CD226: variants seen among roughly 807,000 people sequenced by gnomAD.
CD226 encodes the protein CD226 molecule.
Under a neutral mutation model 34.9 loss-of-function variants are expected in CD226, and 24 were observed. The ratio of observed to expected loss-of-function variants is 0.69; its 90% confidence interval spans 0.50 to 0.97. The LOEUF (loss-of-function observed/expected upper bound fraction) is 0.97. CD226 is among the 50% of genes least tolerant of loss of function. CD226 has a pLI of 0.00. For synonymous variants in CD226, 148 were observed against 147.4 expected (o/e 1.00, Z -0.03); for missense variants, 397 against 412.7 (o/e 0.96, Z 0.33).
intron 3 of CD226, among the ~76,000 whole-genome samples, chr18:69,876,701 C>T (rs941824034): frequency 6.6e-6 from 1 of 152,092 alleles, no homozygotes; most frequent in Non-Finnish European, 1.5e-5. Context: ...TAACAGGCAC[C>T]AGCTGAGTGT....
At chr18:69,934,281 C>CAT (rs56409030) in intron 2 of CD226, among the ~76,000 whole-genome samples, 96,544 of 148,548 alleles carry the variant, frequency 0.65, 36,339 homozygotes, top group Non-Finnish European at 0.82. Context: ...ACAGAGGATA[C>CAT]ACACACACAC....
intron 2 of CD226, among the ~76,000 whole-genome samples, chr18:69,932,268 C>T (rs902609111): frequency 6.6e-6 from 1 of 152,122 alleles, no homozygotes; most frequent in Non-Finnish European, 1.5e-5. Flanking sequence ...AATCGAAATC[C>T]CTTGCCTAAA....
At chr18:69,899,362 T>G (rs1218195877) in intron 2 of CD226, among the ~76,000 whole-genome samples, 1 of 152,242 alleles carries the variant, frequency 6.6e-6, no homozygotes, top group African/African-American at 2.4e-5. Flanking sequence ...CTGAGTCATT[T>G]TACTGTCAGC....
At chr18:69,928,279 C>T (rs910948483) in intron 2 of CD226, among the ~76,000 whole-genome samples, 1 of 152,188 alleles carries the variant, frequency 6.6e-6, no homozygotes, top group Non-Finnish European at 1.5e-5. Flanking sequence ...TTTTCTATCA[C>T]TCCCCCTACT....
chr18:69,884,415 T>G (rs183277935), intron 3 of CD226, among the ~76,000 whole-genome samples: 2 of 152,334 alleles, frequency 1.3e-5, no homozygotes, highest in East Asian at 3.9e-4. Context: ...GCCAGTGGAT[T>G]TCTCCTCCCT....
At chr18:69,874,451 T>C (rs1387337399) in intron 3 of CD226, among the ~76,000 whole-genome samples, 4 of 152,306 alleles carry the variant, frequency 2.6e-5, no homozygotes, top group South Asian at 2.1e-4. Flanking sequence ...ATGGTCTTCA[T>C]TGCTGTCTCT....
chr18:69,916,101 T>C (rs2055382764), intron 2 of CD226, among the ~76,000 whole-genome samples: 1 of 152,204 alleles, frequency 6.6e-6, no homozygotes, highest in Non-Finnish European at 1.5e-5. Context: ...TACTCGCAGG[T>C]TTAAATTAGA....
chr18:69,940,420 G>C (rs2055709002), intron 2 of CD226, among the ~76,000 whole-genome samples: 1 of 152,254 alleles, frequency 6.6e-6, no homozygotes, highest in Non-Finnish European at 1.5e-5. Flanking sequence ...TGAGGGCTCA[G>C]AAGAAGACAG....
chr18:69,918,046 G>C (rs2055406876), intron 2 of CD226, among the ~76,000 whole-genome samples: 3 of 152,128 alleles, frequency 2.0e-5, no homozygotes, highest in Admixed American at 2.0e-4. Flanking sequence ...GCAAGGAGAA[G>C]GGCACAGCCA....
chr18:69,870,412 C>A (rs1038545454), intron 4 of CD226, among the ~76,000 whole-genome samples: 3 of 151,254 alleles, frequency 2.0e-5, no homozygotes, highest in Non-Finnish European at 4.4e-5. Flanking sequence ...GTAGCTGAGA[C>A]TACAGGCACC....
chr18:69,860,538 T>C lies in CD226; in HGVS notation c.*3776A>G, dbSNP rs987180009. 1 of 152,196 alleles carries C rather than the reference T, an allele frequency of 6.6e-6. No homozygotes were observed. The highest frequency in any genetic ancestry group is 2.1e-4 in the South Asian group (1 of 4,830). 9.4% of individuals were successfully genotyped at this position (152,196 alleles called of 1,614,324 possible). The stretch of plus-strand genomic sequence containing the variant: ...ATTTATAAAATTTCCTTAGAAAGCA[T>C]TGCAGTTAATTCTAGAAGCTATTTT... On this transcript the variant is annotated 3_prime_UTR_variant, in exon 6 of 6. Coordinates refer to ENST00000582621, the MANE Select transcript of CD226 (RefSeq NM_001303618.2).
At chr18:69,872,057 G>GGTGTGTGTGT (rs201644137) in intron 4 of CD226, among the ~76,000 whole-genome samples, 2,110 of 143,508 alleles carry the variant, frequency 0.015, 36 homozygotes, top group African/African-American at 0.039. Flanking sequence ...ATTAACAAGG[G>GGTGTGTGTGT]GTGTGTGTGT....
chr18:69,893,481 G>T (rs1317766984), intron 3 of CD226, among the ~76,000 whole-genome samples: 1 of 152,082 alleles, frequency 6.6e-6, no homozygotes, highest in Non-Finnish European at 1.5e-5. Context: ...TACTTTTTCA[G>T]CATATAATGG....
chr18:69,931,276 A>G (rs2055586370), intron 2 of CD226, among the ~76,000 whole-genome samples: 1 of 152,104 alleles, frequency 6.6e-6, no homozygotes, highest in Non-Finnish European at 1.5e-5. Context: ...AGATATACCT[A>G]ATGCTAAATG....
At chr18:69,953,144 G>C (rs1159232377) in intron 1 of CD226, among the ~76,000 whole-genome samples, 1 of 152,214 alleles carries the variant, frequency 6.6e-6, no homozygotes, top group Non-Finnish European at 1.5e-5. Context: ...TGATGCAGCT[G>C]CTGTGAAGAA....
At chr18:69,908,922 T>A (rs1330904038) in intron 2 of CD226, among the ~76,000 whole-genome samples, 1 of 152,248 alleles carries the variant, frequency 6.6e-6, no homozygotes, top group East Asian at 1.9e-4. Context: ...AGAACACTGC[T>A]ATTTATCCTT....
At chr18:69,923,007 C>T (rs2055471338) in intron 2 of CD226, among the ~76,000 whole-genome samples, 1 of 152,024 alleles carries the variant, frequency 6.6e-6, no homozygotes, top group African/African-American at 2.4e-5. Context: ...GTGGCGGGCA[C>T]CTGTAATCCC....
upstream of CD226, among the ~76,000 whole-genome samples, chr18:69,949,559 T>G (rs367630245): frequency 8.9e-4 from 135 of 151,784 alleles, no homozygotes; most frequent in African/African-American, 3.1e-3. Flanking sequence ...TCATATCTTC[T>G]GTCTCAGGCC....
At chr18:69,930,278 G>A (rs1451045903) in intron 2 of CD226, among the ~76,000 whole-genome samples, 4 of 152,234 alleles carry the variant, frequency 2.6e-5, no homozygotes, top group East Asian at 1.9e-4. Flanking sequence ...ACACTTAGAT[G>A]TGAAAAATGA....
Sources: gnomAD v4.1 joint callset for allele counts (sites outside exome capture counted in the v4.1 genomes callset) on GRCh38, gnomAD v4.1.1 for gene constraint, MANE v1.5 for transcripts, NCBI Gene and HGNC (gene_info 2026-07-23, HGNC 2026-07-21) for gene names.